JAKMIP1: variants seen among roughly 807,000 people sequenced by gnomAD.
JAKMIP1 encodes the protein janus kinase and microtubule-interacting protein 1.
In JAKMIP1, 33 loss-of-function variants were observed where a neutral mutation model predicts 113.0. The observed-to-expected ratio is 0.29, with a 90% CI of 0.22 to 0.39. The LOEUF (loss-of-function observed/expected upper bound fraction) is 0.39, where lower values mean the gene tolerates loss of function less well. Ranked by LOEUF, JAKMIP1 falls within the 10% of genes least tolerant of loss-of-function variation. JAKMIP1 has a pLI of 1.00. For synonymous variants in JAKMIP1, 480 were observed against 459.9 expected, an observed-to-expected ratio of 1.04 and a Z score of -0.56; for missense variants, 813 against 1,080.5, an observed-to-expected ratio of 0.75 and a Z score of 3.47.
Position 6,042,127 on chromosome 4 carries a change from C to T in JAKMIP1, c.2097+32G>A, listed in dbSNP as rs1714401292. On this transcript the variant is annotated intron_variant, in intron 17 of 20. Transcript: ENST00000409021. This position sits in a 1 kb window ranked among gnomAD's most constrained non-coding sequence, Gnocchi z 5.2. ...AACCTCTCTGAGCTCTTTGAACCCTCTCCCCCACCCCCAGGCAGTCAAATC... is the reference window on the plus strand; with the variant it reads ...AACCTCTCTGAGCTCTTTGAACCCTTTCCCCCACCCCCAGGCAGTCAAATC... 1.3e-6 allele frequency: 2 copies of T among 1,575,070 alleles called. No individual in the cohort carries two copies. Among genetic ancestry groups the T allele is most frequent in the East Asian group, 2.2e-5 (1 of 44,686 alleles).
chr4:6,077,765 T>C (rs1719892804), intron 8 of JAKMIP1, among the ~76,000 whole-genome samples: 1 of 152,180 alleles, frequency 6.6e-6, no homozygotes, highest in Non-Finnish European at 1.5e-5. Flanking sequence ...ATTACAGGCA[T>C]GAGCCACTGT....
At chr4:6,104,044 A>T (rs114718220) in intron 3 of JAKMIP1, among the ~76,000 whole-genome samples, 1 of 152,040 alleles carries the variant, frequency 6.6e-6, no homozygotes, top group Non-Finnish European at 1.5e-5. Context: ...CTTGAGATAG[A>T]AGTTTAGATG....
At chr4:6,098,676 GAAAGAAAGAAAGAAAGAA>G (rs1712388849) in intron 3 of JAKMIP1, among the ~76,000 whole-genome samples, 1 of 6,440 alleles carries the variant, frequency 1.6e-4, no homozygotes, top group African/African-American at 2.9e-4. Context: ...GAGAGAGAAA[GAAAGAAAGAAAGAAAGAA>G]AGAAAGAAAG....
At position 6,095,050 on chromosome 4, in the gene JAKMIP1, G is replaced by A. The variant is rs576115033; in HGVS notation, c.625-9421C>T. On this transcript the variant is annotated intron_variant, in intron 3 of 20. Transcript: ENST00000409021. ...GGAAGGGACAGAGGGAGGGAGGAAG[G>A]AAGGAAAGAAGGAAAGTGGAAGGAA... Among the ~76,000 whole-genome samples, 163 of 132,316 alleles carry A rather than the reference G, an allele frequency of 1.2e-3. No homozygotes were observed. The Middle Eastern group carries it at 0.016, about 13-fold the overall frequency. The allele number at this position is 132,316 out of a possible 152,430, so 86.8% of individuals were successfully genotyped here.
intron 1 of JAKMIP1, among the ~76,000 whole-genome samples, chr4:6,121,635 G>C (rs1352399753): frequency 6.6e-6 from 1 of 152,252 alleles, no homozygotes; most frequent in Admixed American, 6.5e-5. Flanking sequence ...CGTGCAGGAA[G>C]TCACTGGAGT....
rs1008168030 is a variant in JAKMIP1, at chr4:6,081,015, C to A, written c.1101+594G>T. 5.9e-5 allele frequency among the ~76,000 whole-genome samples: 2 copies of A among 33,686 alleles called. No homozygotes were observed. The highest frequency in any genetic ancestry group is 2.7e-4 in the African/African-American group (2 of 7,372). The allele number at this position is 33,686 out of a possible 152,430, so 22.1% of individuals were successfully genotyped here. Reference sequence around the variant, plus strand: ...CACACACACACACACACACACACACCTGCATCTGCTACAGTGCAGACAGCA... The same window carrying A: ...CACACACACACACACACACACACACATGCATCTGCTACAGTGCAGACAGCA... On this transcript the variant is annotated intron_variant, in intron 6 of 20. Transcript: ENST00000409021. The surrounding 1 kb of genome is among the most constrained non-coding windows in gnomAD (Gnocchi z 4.6).
intron 18 of JAKMIP1, among the ~76,000 whole-genome samples, chr4:6,039,145 G>A (rs1486173836): frequency 6.6e-6 from 1 of 152,200 alleles, no homozygotes; most frequent in African/African-American, 2.4e-5. Context: ...TATGGTGGCA[G>A]AACCAGCATG....
intron 1 of JAKMIP1, among the ~76,000 whole-genome samples, chr4:6,128,906 G>A (rs1333333429): frequency 6.6e-6 from 1 of 152,184 alleles, no homozygotes; most frequent in African/African-American, 2.4e-5. Flanking sequence ...TGCCTGTGGC[G>A]GCCCACTGCC....
rs1720278838 is a variant in JAKMIP1 at position 6,080,070 on chromosome 4, A to G, written c.1242+102T>C. On this transcript the variant is annotated intron_variant, in intron 7 of 20. Coordinates refer to ENST00000409021, the MANE Select transcript of JAKMIP1 (RefSeq NM_001099433.2). This position sits in a 1 kb window ranked among gnomAD's most constrained non-coding sequence, Gnocchi z 6.0. ...AGTCAGCACTGCCTGACCCTGACCCAGCTCAGCAGCATCACCCTGAGCCCC... is the reference window on the plus strand; with the variant it reads ...AGTCAGCACTGCCTGACCCTGACCCGGCTCAGCAGCATCACCCTGAGCCCC... 5 of 1,350,768 alleles carry G rather than the reference A, an allele frequency of 3.7e-6. No individual in the cohort carries two copies. The highest frequency in any genetic ancestry group is 2.4e-5 in the Admixed American group (1 of 41,944). The allele number at this position is 1,350,768 out of a possible 1,614,324, so 83.7% of individuals were successfully genotyped here. A position where few individuals can be genotyped will look rare whatever the true frequency, so the allele number is the denominator to read the frequency against.
Position 6,168,836 on chromosome 4 carries a change from G to A in JAKMIP1, c.-148+31417C>T, listed in dbSNP as rs1723978445. 1.3e-5 allele frequency among the ~76,000 whole-genome samples: 2 copies of A among 152,100 alleles called. No homozygotes were observed. Among genetic ancestry groups the A allele is most frequent in the Non-Finnish European group, 2.9e-5 (2 of 68,012 alleles). On this transcript the variant is annotated intron_variant, in intron 1 of 20. Transcript: ENST00000409021. The surrounding 1 kb of genome is among the most constrained non-coding windows in gnomAD (Gnocchi z 4.6). ...AATCACTTGAGCCTGGGGAGGCTGA[G>A]GTTGCAGTGAGCTGTAATCACACCA...
At chr4:6,114,508 G>A (rs534502551) in intron 1 of JAKMIP1, among the ~76,000 whole-genome samples, 25 of 152,264 alleles carry the variant, frequency 1.6e-4, no homozygotes, top group Non-Finnish European at 8.8e-5. Context: ...GCAGATGCTC[G>A]GTGGCCATGA....
In JAKMIP1 at chr4:6,062,433, G is replaced by C. The variant is rs1292695552; in HGVS notation, c.1439C>G (p.Ala480Gly). Residue 480 changes from alanine (A) to glycine (G), a missense_variant, in exon 10 of 21, where the codon GCC (alanine) becomes GGC (glycine). Transcript: ENST00000409021. ...TPEEDLDDATAREEADLRFCQ... is the reference protein window; with the variant it reads ...TPEEDLDDATGREEADLRFCQ... ...GAAGCGCAGGTCAGCCTCCTCTCGGGCTGTGGCCTTCACATAATGGAGAAG... is the reference window on the plus strand; with the variant it reads ...GAAGCGCAGGTCAGCCTCCTCTCGGCCTGTGGCCTTCACATAATGGAGAAG... 1 of 1,612,978 alleles carries C rather than the reference G, an allele frequency of 6.2e-7. No homozygotes were observed. The highest frequency in any genetic ancestry group is 8.5e-7 in the Non-Finnish European group (1 of 1,179,244).
chr4:6,115,875 G>T (rs952874717), intron 1 of JAKMIP1, among the ~76,000 whole-genome samples: 1 of 152,168 alleles, frequency 6.6e-6, no homozygotes, highest in Non-Finnish European at 1.5e-5. Flanking sequence ...TTGGGCTGCC[G>T]GTGGGGGAAA....
chr4:6,149,018 T>G, intron 1 of JAKMIP1, among the ~76,000 whole-genome samples: 1 of 151,642 alleles, frequency 6.6e-6, no homozygotes, highest in South Asian at 2.1e-4. Context: ...TGCAGGGGGG[T>G]GGCGGGAGTT....
At chr4:6,091,464 G>A (rs1366641321) in intron 3 of JAKMIP1, among the ~76,000 whole-genome samples, 1 of 152,186 alleles carries the variant, frequency 6.6e-6, no homozygotes, top group Non-Finnish European at 1.5e-5. Context: ...ACATGCTTTA[G>A]CTCACTTGCT....
intron 1 of JAKMIP1, among the ~76,000 whole-genome samples, chr4:6,148,489 C>A (rs574442308): frequency 5.9e-5 from 9 of 152,258 alleles, no homozygotes; most frequent in Admixed American, 3.9e-4. Context: ...CACTTGGAAT[C>A]GGAATGCTTT....
chr4:6,188,195 G>T lies in JAKMIP1; in HGVS notation c.-148+12058C>A, dbSNP rs1726852087. ...ACCAGCTTCCTGGGTTGGAAGATTGGAAGTCTACAGCTTGACCTTCTTACA... is the reference window on the plus strand; with the variant it reads ...ACCAGCTTCCTGGGTTGGAAGATTGTAAGTCTACAGCTTGACCTTCTTACA... On this transcript the variant is annotated intron_variant, in intron 1 of 20. Transcript: ENST00000409021. The surrounding 1 kb of genome is among the most constrained non-coding windows in gnomAD (Gnocchi z 5.8). Among the ~76,000 whole-genome samples, 1 of 152,170 alleles carries T rather than the reference G, an allele frequency of 6.6e-6. No individual in the cohort carries two copies. Among genetic ancestry groups the T allele is most frequent in the African/African-American group, 2.4e-5 (1 of 41,438 alleles).
intron 8 of JAKMIP1, among the ~76,000 whole-genome samples, chr4:6,077,583 C>T (rs1204461986): frequency 6.7e-6 from 1 of 149,946 alleles, no homozygotes; most frequent in Non-Finnish European, 1.5e-5. Context: ...ACCTCCTGGG[C>T]TCAAGCAGTC....
chr4:6,199,384 C>A lies in JAKMIP1; in HGVS notation c.-148+869G>T, dbSNP rs998009539. On this transcript the variant is annotated intron_variant, in intron 1 of 20. Transcript: ENST00000409021. This position sits in a 1 kb window ranked among gnomAD's most constrained non-coding sequence, Gnocchi z 5.6. ...CTATCTGGGCTGCCCAGGCCGGATGCTCAGGAGCCCACAGCAGGGGGGATG... is the reference window on the plus strand; with the variant it reads ...CTATCTGGGCTGCCCAGGCCGGATGATCAGGAGCCCACAGCAGGGGGGATG... 6.6e-6 allele frequency among the ~76,000 whole-genome samples: 1 copy of A among 152,182 alleles called. No individual in the cohort carries two copies. The highest frequency in any genetic ancestry group is 2.4e-5 in the African/African-American group (1 of 41,462).
Sources: gnomAD v4.1 joint callset for allele counts (sites outside exome capture counted in the v4.1 genomes callset) on GRCh38, gnomAD v4.1.1 for gene constraint, Gnocchi (gnomAD v3.1) non-coding constraint, MANE v1.5 for transcripts, NCBI Gene and HGNC (gene_info 2026-07-23, HGNC 2026-07-21) for gene names.